DDX5: variants seen among roughly 807,000 people sequenced by gnomAD.
DDX5 encodes probable ATP-dependent RNA helicase DDX5.
A neutral mutation model predicts 68.6 loss-of-function variants in DDX5; 6 were observed. The observed-to-expected ratio is 0.09, with a 90% CI of 0.05 to 0.17. DDX5 has a LOEUF of 0.17. Among genes scored for constraint, DDX5 ranks in the 10% least tolerant of loss-of-function variants. DDX5 has a pLI of 1.00. For synonymous variants in DDX5, 350 were observed against 247.0 expected, an observed-to-expected ratio of 1.42 and a Z score of -3.91; for missense variants, 499 against 756.1, an observed-to-expected ratio of 0.66 and a Z score of 3.99.
At chr17:64,502,676 T>A in intron 8 of DDX5, 127 bp from the exon 9 acceptor site, 1 of 765,892 alleles carries the variant, frequency 1.3e-6, no homozygotes, top group South Asian at 1.8e-5. Context: ...AAACGCCTGC[T>A]AATCCACTTA....
chr17:64,505,439 C>A (rs1330821596), intron 1 of DDX5: 4 of 553,826 alleles, frequency 7.2e-6, no homozygotes, highest in Non-Finnish European at 1.3e-5. Context: ...CGGCGACTAC[C>A]GGGGGAGGAG....
chr17:64,504,350 C>G lies in DDX5; in HGVS notation c.211-32G>C, dbSNP rs200488125. 1.8e-3 allele frequency: 2,865 copies of G among 1,559,636 alleles called. 9 individuals carry two copies. Among genetic ancestry groups the G allele is most frequent in the Middle Eastern group, 0.01 (60 of 5,984 alleles). ...AACAAATTATAACAGTCTTAAAATTCATGACAACCACCCCTAGCTAAATAC... is the reference window on the plus strand; with the variant it reads ...AACAAATTATAACAGTCTTAAAATTGATGACAACCACCCCTAGCTAAATAC... On this transcript the variant is annotated intron_variant, in intron 2 of 12. Coordinates refer to ENST00000225792, the MANE Select transcript of DDX5 (RefSeq NM_004396.5).
In DDX5 at chr17:64,500,341, A is replaced by G; in HGVS notation, c.1442-15T>C. Reference sequence around the variant, plus strand: ...CCTGGAACGACCTGTCAAGAAAACAATTGCAAATTGATCAATTATGTCTAT... The same window carrying G: ...CCTGGAACGACCTGTCAAGAAAACAGTTGCAAATTGATCAATTATGTCTAT... On this transcript the variant is annotated splice_polypyrimidine_tract_variant and intron_variant, in intron 12 of 12. Transcript: ENST00000225792. The G allele has an allele frequency of 1.9e-6, 3 of 1,591,226 alleles. No homozygotes were observed. Among genetic ancestry groups the G allele is most frequent in the Non-Finnish European group, 2.6e-6 (3 of 1,167,972 alleles).
At chr17:64,504,950 G>A (rs1205802906) in intron 1 of DDX5, 108 bp from the exon 2 acceptor site, 15 of 1,077,962 alleles carry the variant, frequency 1.4e-5, no homozygotes, top group Non-Finnish European at 2.0e-5. Context: ...AACAGACTTC[G>A]AGAGGTAAAC....
chr17:64,504,422 T>C (rs1289272392), intron 2 of DDX5, 104 bp from the exon 3 acceptor site: 6 of 1,086,824 alleles, frequency 5.5e-6, no homozygotes, highest in Non-Finnish European at 8.1e-6. Flanking sequence ...TAGTTTAAAG[T>C]AGCCTTCATT....
rs1555670404 is a variant in DDX5 at position 64,499,102 on chromosome 17, T to C, written c.*821A>G. Among the ~76,000 whole-genome samples, 4 of 152,232 alleles carry C rather than the reference T, an allele frequency of 2.6e-5. No homozygotes were observed. Among genetic ancestry groups the C allele is most frequent in the Admixed American group, 2.0e-4 (3 of 15,274 alleles). ...GAAATTCAGTAAAGGAGACTCAAGC[T>C]TAGCTCCTGGCCATCTTAAAGGGCT... is the stretch of plus-strand genomic sequence containing the variant. On this transcript the variant is annotated 3_prime_UTR_variant, in exon 13 of 13. Coordinates refer to ENST00000225792, the MANE Select transcript of DDX5 (RefSeq NM_004396.5).
At position 64,500,085 on chromosome 17, in the gene DDX5, A is replaced by T. The variant is rs1256906448; in HGVS notation, c.1683T>A (p.Gly561=). The T allele has an allele frequency of 1.2e-6, 2 of 1,614,080 alleles. No individual in the cohort carries two copies. Among genetic ancestry groups the T allele is most frequent in the African/African-American group, 2.7e-5 (2 of 74,926 alleles). ...SAGIQTSFRT[G]NPTGTYQNGY... ...CATTCTGGTAAGTCCCTGTTGGATTACCAGTCCTAAAACTGGTCTGTATAC... is the reference window on the plus strand; with the variant it reads ...CATTCTGGTAAGTCCCTGTTGGATTTCCAGTCCTAAAACTGGTCTGTATAC... Residue 561 remains glycine, a synonymous_variant, in exon 13 of 13, where the codon GGT becomes GGA. Coordinates refer to ENST00000225792, the MANE Select transcript of DDX5 (RefSeq NM_004396.5).
Position 64,502,788 on chromosome 17 carries a change from G to A in DDX5, c.983+138C>T, listed in dbSNP as rs937672720. The A allele has an allele frequency of 1.8e-5, 17 of 919,434 alleles. No individual in the cohort carries two copies. The African/African-American group carries it at 2.7e-4, about 14-fold the overall frequency. 57.0% of individuals were successfully genotyped at this position (919,434 alleles called of 1,614,324 possible). ...GACAGCCATTATTTGAAGGATTCAA[G>A]AAATTTTCAGGATTAGTAGGCTAAC... On this transcript the variant is annotated intron_variant, in intron 8 of 12. Coordinates refer to ENST00000225792, the MANE Select transcript of DDX5 (RefSeq NM_004396.5).
In DDX5 at chr17:64,503,116, G is replaced by A. The variant is rs1568103296; in HGVS notation, c.811-18C>T. ...CTATCAGGCTAATGGATTTTGGGGG[G>A]AAAAATTAGTATCAGACTCTTAAGA... is the stretch of plus-strand genomic sequence containing the variant. On this transcript the variant is annotated intron_variant, in intron 7 of 12. Coordinates refer to ENST00000225792, the MANE Select transcript of DDX5 (RefSeq NM_004396.5). 1.2e-6 allele frequency: 2 copies of A among 1,611,222 alleles called. No homozygotes were observed. The highest frequency in any genetic ancestry group is 8.5e-7 in the Non-Finnish European group (1 of 1,178,052).
At position 64,503,644 on chromosome 17, in the gene DDX5, G is replaced by A. The variant is rs1010254900; in HGVS notation, c.508-73C>T. 3.2e-6 allele frequency: 5 copies of A among 1,584,522 alleles called. No individual in the cohort carries two copies. In the African/African-American group the frequency reaches 5.4e-5, roughly 17 times the overall value. On this transcript the variant is annotated intron_variant, in intron 5 of 12. Coordinates refer to ENST00000225792, the MANE Select transcript of DDX5 (RefSeq NM_004396.5). ...AAACTGCTAACTTATTATACTAGCAGATCCTTTCTTCATGTGTTGTCCAAT... is the reference window on the plus strand; with the variant it reads ...AAACTGCTAACTTATTATACTAGCAAATCCTTTCTTCATGTGTTGTCCAAT...
chr17:64,506,697 C>T (rs1293400383), upstream of DDX5: 3 of 388,030 alleles, frequency 7.7e-6, no homozygotes, highest in African/African-American at 6.3e-5. Flanking sequence ...ACCGAGAGAG[C>T]GGTCCGCACT....
chr17:64,505,807 T>C (rs2038476438), intron 1 of DDX5: 1 of 1,535,960 alleles, frequency 6.5e-7, no homozygotes, highest in Non-Finnish European at 8.7e-7. Flanking sequence ...ATACGCTCCC[T>C]CTCAACTCCC....
At chr17:64,501,967 G>A in intron 11 of DDX5, 43 bp downstream of exon 11, 1 of 1,582,290 alleles carries the variant, frequency 6.3e-7, no homozygotes, top group Non-Finnish European at 8.6e-7. Context: ...GTTAAATGGA[G>A]ATCTTCTGGG....
chr17:64,500,256 T>C lies in DDX5; in HGVS notation c.1512A>G (p.Gly504=), dbSNP rs782764728. 4.3e-6 allele frequency: 7 copies of C among 1,614,104 alleles called. No homozygotes were observed. In the African/African-American group the frequency reaches 5.3e-5, roughly 12 times the overall value. Reference sequence around the variant, plus strand: ...TTTCCCTGTCTCTAAAGGTATTAAATCCACCCCTTTTGCCCGCAGAGTATC... The same window carrying C: ...TTTCCCTGTCTCTAAAGGTATTAAACCCACCCCTTTTGCCCGCAGAGTATC... ...RDRYSAGKRG[G]FNTFRDRENY... Residue 504 remains glycine (G), a synonymous_variant, in exon 13 of 13, where the codon GGA becomes GGG. Coordinates refer to ENST00000225792, the MANE Select transcript of DDX5 (RefSeq NM_004396.5).
chr17:64,504,185 A>G (rs1260126416), intron 3 of DDX5, 37 bp downstream of exon 3: 9 of 1,613,112 alleles, frequency 5.6e-6, no homozygotes, highest in Admixed American at 3.3e-5. Context: ...GGTGGAAACA[A>G]AAACACGGGT....
In DDX5 at chr17:64,506,281, G is replaced by C; in HGVS notation, c.-162C>G. On this transcript the variant is annotated 5_prime_UTR_variant, in exon 1 of 13. Transcript: ENST00000225792. ...TGCACTACTAGAGACCGGTAGAAAT[G>C]AATGAGGTGCCGGCCGCTTTCCGGC... The C allele has an allele frequency of 2.0e-6, 3 of 1,532,134 alleles. No individual in the cohort carries two copies. Among genetic ancestry groups the C allele is most frequent in the Non-Finnish European group, 2.6e-6 (3 of 1,139,550 alleles). The allele number at this position is 1,532,134 out of a possible 1,614,324, so 94.9% of individuals were successfully genotyped here. A position where few individuals can be genotyped will look rare whatever the true frequency, so the allele number is the denominator to read the frequency against.
rs145592830 is a variant in DDX5 at position 64,503,905 on chromosome 17, A to G, written c.442-37T>C. On this transcript the variant is annotated intron_variant, in intron 4 of 12. Coordinates refer to ENST00000225792, the MANE Select transcript of DDX5 (RefSeq NM_004396.5). ...GAAAGTGGGGACAAACAGAAATCACATTAAAATACTCGTTTTTAAATTACC... is the reference window on the plus strand; with the variant it reads ...GAAAGTGGGGACAAACAGAAATCACGTTAAAATACTCGTTTTTAAATTACC... 2.0e-4 allele frequency: 328 copies of G among 1,613,678 alleles called. 1 individual carries two copies. In the African/African-American group the frequency reaches 4.1e-3, roughly 20 times the overall value.
rs1555672229 is a variant in DDX5, at chr17:64,505,742, G to A, written c.44+334C>T. ...CCCCAAAAACACCTCCCGAAACGCC[G>A]CACCTAACAGATGTTCCTTCGTCTG... On this transcript the variant is annotated intron_variant, in intron 1 of 12. Transcript: ENST00000225792. 8 of 1,536,050 alleles carry A rather than the reference G, an allele frequency of 5.2e-6. No individual in the cohort carries two copies. The East Asian group carries it at 1.2e-4, about 23-fold the overall frequency.
rs1471373263 is a variant in DDX5 at position 64,499,621 on chromosome 17, T to G, written c.*302A>C. 1 of 293,526 alleles carries G rather than the reference T, an allele frequency of 3.4e-6. No individual in the cohort carries two copies. Among genetic ancestry groups the G allele is most frequent in the Non-Finnish European group, 6.3e-6 (1 of 159,060 alleles). The allele number at this position is 293,526 out of a possible 1,614,324, so 18.2% of individuals were successfully genotyped here. On this transcript the variant is annotated 3_prime_UTR_variant, in exon 13 of 13. Coordinates refer to ENST00000225792, the MANE Select transcript of DDX5 (RefSeq NM_004396.5). Reference sequence around the variant, plus strand: ...AAATAAAGTACAATTTCCACTTAATTCAGTCTTCAAATATTTTTTATTGGA... The same window carrying G: ...AAATAAAGTACAATTTCCACTTAATGCAGTCTTCAAATATTTTTTATTGGA...
Sources: allele counts gnomAD v4.1 joint callset (sites outside exome capture counted in the v4.1 genomes callset), GRCh38; gene constraint gnomAD v4.1.1; transcripts MANE v1.5; gene names NCBI Gene and HGNC (gene_info 2026-07-23, HGNC 2026-07-21).